PJA1: variants seen among roughly 807,000 people sequenced by gnomAD.
PJA1 encodes the protein praja ring finger ubiquitin ligase 1.
PJA1 carries 5 observed loss-of-function variants against 14.1 expected under a neutral mutation model. The observed-to-expected ratio is 0.35, with a 90% CI of 0.18 to 0.74. PJA1 has a LOEUF of 0.74. PJA1 is among the 30% of genes least tolerant of loss of function. The pLI is 0.56. For missense variants in PJA1, 394 were observed against 482.6 expected (o/e 0.82, Z 1.72); for synonymous variants, 174 against 190.9 (o/e 0.91, Z 0.73).
Position 69,165,392 on chromosome X carries a change from C to G in PJA1, c.-88G>C, listed in dbSNP as rs1925252317. On this transcript the variant is annotated 5_prime_UTR_variant, in exon 1 of 2. Coordinates refer to ENST00000374571, the MANE Select transcript of PJA1 (RefSeq NM_001032396.4). ...CTCACCAAGTCCAGAAAGCCACACG[C>G]TTTTCAGAGAAGCAGAGCTCTCGGA... 1 of 112,919 alleles carries G rather than the reference C, an allele frequency of 8.9e-6. No individual in the cohort carries two copies. The allele number at this position is 112,919 out of a possible 1,213,427, so 9.3% of individuals were successfully genotyped here. A position where few individuals can be genotyped will look rare whatever the true frequency, so the allele number is the denominator to read the frequency against.
chrX:69,161,897 A>G lies in PJA1; in HGVS notation c.1177T>C (p.Ser393Pro). The G allele has an allele frequency of 1.7e-6, 2 of 1,210,470 alleles. No individual in the cohort carries two copies. Among genetic ancestry groups the G allele is most frequent in the Non-Finnish European group, 2.2e-6 (2 of 895,167 alleles). ...SNYLEEVREP[S>P]LQEEQASLEE... ...AGGGATGCCTGCTCTTCCTGAAGAG[A>G]TGGTTCTCGAACTTCTTCAAGGTAA... The change falls in exon 2 of 2, where the codon TCT (serine) becomes CCT (proline). Residue 393 changes from serine (S) to proline (P), a missense_variant. Physicochemically the swap from Ser to Pro is moderately conservative, Grantham distance 74. Around this residue, in one of 2 missense-constraint regions of PJA1, gnomAD observed 378 missense variants for 439.3 expected, o/e 0.86. Transcript: ENST00000374571.
intron 1 of PJA1, 56 bp from the exon 2 acceptor site, chrX:69,163,196 C>T (rs1925133470): frequency 8.3e-7 from 1 of 1,208,507 alleles, no homozygotes; most frequent in African/African-American, 1.8e-5. Flanking sequence ...TGATACCCTC[C>T]TGTTGGATTG....
Position 69,163,005 on chromosome X carries a change from A to C in PJA1, c.69T>G (p.Ser23Arg), listed in dbSNP as rs765358674. 1.7e-6 allele frequency: 2 copies of C among 1,210,500 alleles called. No individual in the cohort carries two copies. ...TTCCCGAACTCTCGCTGTCGTCCCA[A>C]CTACGACGAGTAGTGGAAAATGGCG... ...SRSPFSTTRR[S>R]WDDSESSGTN... Residue 23 changes from serine to arginine, a missense_variant, in exon 2 of 2, where the codon AGT becomes AGG. Physicochemically the swap from Ser to Arg is moderately radical, Grantham distance 110 (BLOSUM62 -1). Transcript: ENST00000374571.
At chrX:69,163,348 G>T in intron 1 of PJA1, 1 of 839,933 alleles carries the variant, frequency 1.2e-6, no homozygotes, top group Non-Finnish European at 1.7e-6. Flanking sequence ...GAATAAAGGA[G>T]CAGGGAGATT....
chrX:69,163,169 T>A, intron 1 of PJA1, 29 bp from the exon 2 acceptor site: 1 of 1,210,792 alleles, frequency 8.3e-7, no homozygotes, highest in South Asian at 1.8e-5. Flanking sequence ...CTTCCATACC[T>A]CCTACCTGTA....
Position 69,161,795 on chromosome X carries a change from C to T in PJA1, c.1279G>A (p.Glu427Lys). 3 of 1,211,600 alleles carry T rather than the reference C, an allele frequency of 2.5e-6. No homozygotes were observed. Among genetic ancestry groups the T allele is most frequent in the Non-Finnish European group, 2.2e-6 (2 of 895,457 alleles). ...SSEGDNDSGHELMQPGVFMLD... is the reference protein window; with the variant it reads ...SSEGDNDSGHKLMQPGVFMLD... ...ATGAATACCCCAGGTTGCATCAACT[C>T]GTGACCAGAATCATTATCCCCCTCA... The change falls in exon 2 of 2, where the codon GAG becomes AAG. Residue 427 changes from glutamate to lysine, a missense_variant. Physicochemically the swap from Glu to Lys is moderately conservative, Grantham distance 56. Around this residue, in one of 2 missense-constraint regions of PJA1, gnomAD observed 378 missense variants for 439.3 expected, o/e 0.86. Transcript: ENST00000374571.
In PJA1 at chrX:69,162,607, C is replaced by T. The variant is rs1164179539; in HGVS notation, c.467G>A (p.Gly156Asp). ...GCTGTCACCTTTTGTAGCCAGCTTG[C>T]CTTCAGAAGACGACTGTGAGGCCAC... Reference protein sequence around the residue: ...SSVASQSSSEGKLATKGDSSE... With the variant: ...SSVASQSSSEDKLATKGDSSE... Residue 156 changes from glycine to aspartate, a missense_variant, in exon 2 of 2, where the codon GGC becomes GAC. Around this residue, in one of 2 missense-constraint regions of PJA1, gnomAD observed 378 missense variants for 439.3 expected, o/e 0.86. Coordinates refer to ENST00000374571, the MANE Select transcript of PJA1 (RefSeq NM_001032396.4). 1.2e-5 allele frequency: 15 copies of T among 1,209,376 alleles called. No individual in the cohort carries two copies. Among genetic ancestry groups the T allele is most frequent in the Admixed American group, 2.2e-5 (1 of 45,689 alleles).
At position 69,162,985 on chromosome X, in the gene PJA1, G is replaced by C. The variant is rs1434296387; in HGVS notation, c.89C>G (p.Ser30Trp). The C allele has an allele frequency of 8.3e-7, 1 of 1,210,769 alleles. No individual in the cohort carries two copies. The highest frequency in any genetic ancestry group is 1.1e-6 in the Non-Finnish European group (1 of 895,402). Residue 30 changes from serine (S) to tryptophan (W), a missense_variant, in exon 2 of 2, where the codon TCG (serine) becomes TGG (tryptophan). Physicochemically the swap from Ser to Trp is radical, Grantham distance 177. Transcript: ENST00000374571. ...TRRSWDDSES[S>W]GTNLNIDNED... ...ATTATCAATATTCAGGTTGGTTCCCGAACTCTCGCTGTCGTCCCAACTACG... is the reference window on the plus strand; with the variant it reads ...ATTATCAATATTCAGGTTGGTTCCCCAACTCTCGCTGTCGTCCCAACTACG...
chrX:69,162,354 A>G lies in PJA1; in HGVS notation c.720T>C (p.Asn240=), dbSNP rs375271160. The change falls in exon 2 of 2, where the codon AAT becomes AAC. Residue 240 remains asparagine, a synonymous_variant. Coordinates refer to ENST00000374571, the MANE Select transcript of PJA1 (RefSeq NM_001032396.4). ...GGCCATCCGAGTGGCCCTCATTGTC[A>G]TTGGCGGTATCCCTCCACCTGGAAG... The part of the protein sequence containing the change: ...HSTSRWRDTA[N]DNEGHSDGLA... 1.3e-5 allele frequency: 16 copies of G among 1,208,241 alleles called. No individual in the cohort carries two copies. In the African/African-American group the frequency reaches 1.8e-4, roughly 13 times the overall value.
rs779811821 is a variant in PJA1 at position 69,161,199 on chromosome X, A to C, written c.*108T>G. The C allele has an allele frequency of 1.2e-5, 12 of 1,034,599 alleles. No individual in the cohort carries two copies. Among genetic ancestry groups the C allele is most frequent in the Non-Finnish European group, 1.4e-5 (11 of 789,093 alleles). The allele number at this position is 1,034,599 out of a possible 1,213,427, so 85.3% of individuals were successfully genotyped here. A position where few individuals can be genotyped will look rare whatever the true frequency, so the allele number is the denominator to read the frequency against. On this transcript the variant is annotated 3_prime_UTR_variant, in exon 2 of 2. Transcript: ENST00000374571. ...CACGAGGAATCAATAGGTTTAGGCT[A>C]ACTGACTGATTGGTTTTATTTCCAT...
chrX:69,162,751 C>T lies in PJA1; in HGVS notation c.323G>A (p.Gly108Glu), dbSNP rs1395025999. 3 of 1,207,436 alleles carry T rather than the reference C, an allele frequency of 2.5e-6. No homozygotes were observed. Among genetic ancestry groups the T allele is most frequent in the Non-Finnish European group, 3.4e-6 (3 of 894,120 alleles). ...DPEKGARSLA[G>E]PPPHFSSFSR... Reference sequence around the variant, plus strand: ...AAAACTAGAGAAATGTGGAGGTGGCCCAGCCAAAGACCTTGCCCCTTTCTC... The same window carrying T: ...AAAACTAGAGAAATGTGGAGGTGGCTCAGCCAAAGACCTTGCCCCTTTCTC... The change falls in exon 2 of 2, where the codon GGG (glycine) becomes GAG (glutamate). Residue 108 changes from glycine to glutamate, a missense_variant. Gly to Glu is a moderately conservative substitution (Grantham distance 98). Transcript: ENST00000374571.
Position 69,162,630 on chromosome X carries a change from C to G in PJA1, c.444G>C (p.Val148=). 2 of 1,211,343 alleles carry G rather than the reference C, an allele frequency of 1.7e-6. No homozygotes were observed. Among genetic ancestry groups the G allele is most frequent in the Non-Finnish European group, 2.2e-6 (2 of 895,362 alleles). The change falls in exon 2 of 2, where the codon GTG becomes GTC. Residue 148 remains valine (V), a synonymous_variant. Transcript: ENST00000374571. ...SRADFLPQSS[V]ASQSSSEGKL... ...TGCCTTCAGAAGACGACTGTGAGGCCACACTACTTTGTGGCAGGAAGTCAG... is the reference window on the plus strand; with the variant it reads ...TGCCTTCAGAAGACGACTGTGAGGCGACACTACTTTGTGGCAGGAAGTCAG...
Position 69,162,167 on chromosome X carries a change from A to G in PJA1, c.907T>C (p.Tyr303His), listed in dbSNP as rs1488960798. The change falls in exon 2 of 2, where the codon TAC (tyrosine) becomes CAC (histidine). Residue 303 changes from tyrosine (Y) to histidine (H), a missense_variant. Tyr to His is a moderately conservative substitution (Grantham distance 83). Transcript: ENST00000374571. ...TCAGAGTCTTCGTCGCAGTATTTGT[A>G]GTAATCATCACTGTGCGTCCAGAAG... ...PDFWTHSDDY[Y>H]KYCDEDSDSD... 8.3e-6 allele frequency: 10 copies of G among 1,209,168 alleles called. No homozygotes were observed. The South Asian group carries it at 1.8e-4, about 21-fold the overall frequency.
In PJA1 at chrX:69,161,750, GGTT is replaced by G. The variant is rs745724899; in HGVS notation, c.1321_1323del (p.Asn441del). On this transcript the variant is annotated inframe_deletion, in exon 2 of 2. Transcript: ENST00000374571. ...TCGCTCACACTGGAGTCATCTTCAA[GGTT>G]GTTGTTTCCATCCAGCATGAATACC... 6.6e-6 allele frequency: 8 copies of G among 1,211,485 alleles called. No homozygotes were observed. The highest frequency in any genetic ancestry group is 5.6e-6 in the Non-Finnish European group (5 of 895,474).
At position 69,162,184 on chromosome X, in the gene PJA1, G is replaced by A. The variant is rs748086031; in HGVS notation, c.890C>T (p.Thr297Met). The change falls in exon 2 of 2, where the codon ACG becomes ATG. Residue 297 changes from threonine (T) to methionine (M), a missense_variant. By Grantham distance (81) the Thr-to-Met change is moderately conservative (BLOSUM62 -1). Transcript: ENST00000374571. ...GTATTTGTAGTAATCATCACTGTGC[G>A]TCCAGAAGTCAGGGTCGGCCATGGT... The part of the protein sequence containing the change: ...RRTMADPDFW[T>M]HSDDYYKYCD... The A allele has an allele frequency of 7.4e-6, 9 of 1,208,926 alleles. No homozygotes were observed. The highest frequency in any genetic ancestry group is 3.5e-5 in the African/African-American group (2 of 56,808).
Position 69,161,077 on chromosome X carries a change from T to C in PJA1, c.*230A>G. 1 of 423,983 alleles carries C rather than the reference T, an allele frequency of 2.4e-6. No individual in the cohort carries two copies. Among genetic ancestry groups the C allele is most frequent in the Non-Finnish European group, 3.6e-6 (1 of 278,809 alleles). 34.9% of individuals were successfully genotyped at this position (423,983 alleles called of 1,213,427 possible). On this transcript the variant is annotated 3_prime_UTR_variant, in exon 2 of 2. Transcript: ENST00000374571. ...CGTATCTTCTTACTGCAATCTCAAG[T>C]AGCATTTAGAAAGTTTAGTTTTCCC...
Position 69,162,304 on chromosome X carries a change from C to T in PJA1, c.770G>A (p.Ser257Asn). The T allele has an allele frequency of 8.3e-7, 1 of 1,211,007 alleles. No homozygotes were observed. The highest frequency in any genetic ancestry group is 3.0e-5 in the East Asian group (1 of 33,781). ...CTTTGGCTCGGGATAGCCACTTGAA[C>T]TCTCGCCTCTCCCTCTTCTTGCCAG... ...DGLARRGRGE[S>N]SSGYPEPKYP... Residue 257 changes from serine (S) to asparagine (N), a missense_variant, in exon 2 of 2, where the codon AGT becomes AAT. By Grantham distance (46) the Ser-to-Asn change is conservative. Around this residue, in one of 2 missense-constraint regions of PJA1, gnomAD observed 378 missense variants for 439.3 expected, o/e 0.86. Coordinates refer to ENST00000374571, the MANE Select transcript of PJA1 (RefSeq NM_001032396.4).
intron 1 of PJA1, 125 bp from the exon 2 acceptor site, chrX:69,163,265 AC>A (rs1424198183): frequency 8.5e-7 from 1 of 1,183,367 alleles, no homozygotes; most frequent in East Asian, 3.0e-5. Flanking sequence ...GGTTTCCAAT[AC>A]AGCTGGGGCT....
rs190011418 is a variant in PJA1, at chrX:69,161,547, C to G, written c.1527G>C (p.Val509=). The G allele has an allele frequency of 1.7e-6, 2 of 1,209,251 alleles. No individual in the cohort carries two copies. Among genetic ancestry groups the G allele is most frequent in the East Asian group, 5.9e-5 (2 of 33,685 alleles). ...TCTCCTTGCTTGCTGGTGGATTGGC[C>G]ACCTCTACATCCACTGCGAGAGACT... The part of the protein sequence containing the change: ...HLESLAVDVE[V]ANPPASKESI... The change falls in exon 2 of 2, where the codon GTG becomes GTC. Residue 509 remains valine, a synonymous_variant. Coordinates refer to ENST00000374571, the MANE Select transcript of PJA1 (RefSeq NM_001032396.4).
Sources: allele counts gnomAD v4.1 joint callset, GRCh38; gene constraint gnomAD v4.1.1; regional missense constraint gnomAD v4.1.1; transcripts MANE v1.5; gene names NCBI Gene and HGNC (gene_info 2026-07-23, HGNC 2026-07-21).